The following GTF2A1 variants were observed in gnomAD, a reference collection of about 807,000 sequenced individuals.
GTF2A1 encodes general transcription factor IIA subunit 1, also known as transcription initiation factor IIA subunit 1.
In GTF2A1, 12 loss-of-function variants were observed where a neutral mutation model predicts 54.1. The ratio of observed to expected loss-of-function variants is 0.22; its 90% CI spans 0.14 to 0.36. GTF2A1 has a LOEUF of 0.36. Ranked by LOEUF, GTF2A1 falls within the 10% of genes least tolerant of loss-of-function variation. The pLI, the probability that GTF2A1 is intolerant of heterozygous loss-of-function variation, is 1.00. For synonymous variants in GTF2A1, 145 were observed against 152.0 expected (o/e 0.95, Z 0.34); for missense variants, 335 against 442.2 (o/e 0.76, Z 2.17).
chr14:81,195,371 C>T (rs1215709919), intron 6 of GTF2A1, among the ~76,000 whole-genome samples: 38 of 151,630 alleles, frequency 2.5e-4, no homozygotes, highest in Non-Finnish European at 4.4e-4. Context: ...CAGTGGCTCA[C>T]ACCTGTAATC....
At position 81,197,460 on chromosome 14, in the gene GTF2A1, A is replaced by C; in HGVS notation, c.427T>G (p.Leu143Val). 6.3e-7 allele frequency: 1 copy of C among 1,589,048 alleles called. No homozygotes were observed. Among genetic ancestry groups the C allele is most frequent in the Non-Finnish European group, 8.6e-7 (1 of 1,162,404 alleles). ...GGAGTCACACCTGCAGGGAGTGCTAAGGTAGCAGCTGTAGCAGCAGCACTC... is the reference window on the plus strand; with the variant it reads ...GGAGTCACACCTGCAGGGAGTGCTACGGTAGCAGCTGTAGCAGCAGCACTC... ...NMSAAATAAT[L>V]ALPAGVTPVQ... Residue 143 changes from leucine (L) to valine (V), a missense_variant, in exon 5 of 9, where the codon TTA (leucine) becomes GTA (valine). Leu to Val is a conservative substitution (Grantham distance 32). Transcript: ENST00000553612.
At chr14:81,192,475 A>T in intron 7 of GTF2A1, 44 bp downstream of exon 7, 2 of 1,453,728 alleles carry the variant, frequency 1.4e-6, no homozygotes, top group Middle Eastern at 1.8e-4. Context: ...CTAAAAAAGG[A>T]AATAATCAAG....
chr14:81,195,987 C>T, intron 6 of GTF2A1, 121 bp downstream of exon 6: 1 of 806,032 alleles, frequency 1.2e-6, no homozygotes, highest in Non-Finnish European at 2.0e-6. Flanking sequence ...AAATTTGAAA[C>T]AACTGGGTCT....
At chr14:81,184,052 A>G (rs1261277737) in intron 8 of GTF2A1, among the ~76,000 whole-genome samples, 1 of 152,220 alleles carries the variant, frequency 6.6e-6, no homozygotes, top group Non-Finnish European at 1.5e-5. Context: ...CATTCAGCAC[A>G]CCATTTAGAG....
At chr14:81,181,342 TAA>T (rs545488574) in intron 8 of GTF2A1, among the ~76,000 whole-genome samples, 20 of 138,416 alleles carry the variant, frequency 1.4e-4, no homozygotes, top group African/African-American at 4.1e-4. Flanking sequence ...TAAAGGTACC[TAA>T]AAAAAAAAAA....
intron 7 of GTF2A1, among the ~76,000 whole-genome samples, chr14:81,188,224 T>TA (rs1465643809): frequency 6.6e-6 from 1 of 152,300 alleles, no homozygotes; most frequent in Non-Finnish European, 1.5e-5. Context: ...TTCTGGATAG[T>TA]AGATCCTTAT....
chr14:81,220,032 A>C (rs1893584322), intron 1 of GTF2A1, among the ~76,000 whole-genome samples: 2 of 151,914 alleles, frequency 1.3e-5, no homozygotes, highest in South Asian at 4.1e-4. Context: ...CACTGCATTA[A>C]AGTGGATCAC....
chr14:81,192,382 A>G, intron 7 of GTF2A1, 137 bp downstream of exon 7: 1 of 658,138 alleles, frequency 1.5e-6, no homozygotes, highest in Non-Finnish European at 2.6e-6. Context: ...AAAACAATCT[A>G]ACTTTATCTT....
chr14:81,201,562 A>G (rs753653832), intron 4 of GTF2A1, 32 bp downstream of exon 4: 29 of 1,286,620 alleles, frequency 2.3e-5, no homozygotes, highest in Non-Finnish European at 3.3e-5. Context: ...AATTAAGTAC[A>G]GCCAATCAAA....
At chr14:81,190,945 T>C (rs1311961118) in intron 7 of GTF2A1, among the ~76,000 whole-genome samples, 1 of 152,086 alleles carries the variant, frequency 6.6e-6, no homozygotes, top group Non-Finnish European at 1.5e-5. Flanking sequence ...GCTACATATT[T>C]CCATCCTACC....
chr14:81,204,942 A>G lies in GTF2A1; in HGVS notation c.133-838T>C, dbSNP rs767099343. On this transcript the variant is annotated intron_variant, in intron 2 of 8. Transcript: ENST00000553612. ...GAAACTGGCCAAAAAGTCACAAACT[A>G]TTCCCTGAAAATACAGATAAAACTT... 3.3e-5 allele frequency among the ~76,000 whole-genome samples: 5 copies of G among 152,308 alleles called. No homozygotes were observed. In the East Asian group the frequency reaches 7.7e-4, roughly 23 times the overall value.
At chr14:81,217,689 G>C (rs1893515982) in intron 1 of GTF2A1, among the ~76,000 whole-genome samples, 1 of 152,160 alleles carries the variant, frequency 6.6e-6, no homozygotes. Context: ...CTGCTTGGGA[G>C]GCTGAGGTGG....
At chr14:81,207,819 T>C (rs897897501) in intron 2 of GTF2A1, among the ~76,000 whole-genome samples, 1 of 152,242 alleles carries the variant, frequency 6.6e-6, no homozygotes, top group Admixed American at 6.5e-5. Flanking sequence ...TGGCGGCATT[T>C]TGCCGCTGCC....
intron 2 of GTF2A1, among the ~76,000 whole-genome samples, chr14:81,206,582 A>G (rs1482585175): frequency 1.3e-5 from 2 of 152,196 alleles, no homozygotes; most frequent in African/African-American, 4.8e-5. Flanking sequence ...TTCTAGACCC[A>G]ACATCAGCAT....
intron 2 of GTF2A1, among the ~76,000 whole-genome samples, chr14:81,207,578 G>A (rs947759427): frequency 2.0e-5 from 3 of 152,216 alleles, no homozygotes; most frequent in East Asian, 1.9e-4. Context: ...ATATGGAAGC[G>A]ACTGTGGAAC....
chr14:81,185,951 C>T (rs1370958633), intron 7 of GTF2A1, among the ~76,000 whole-genome samples: 3 of 152,202 alleles, frequency 2.0e-5, no homozygotes, highest in East Asian at 1.9e-4. Context: ...CTCCCGGCTT[C>T]GAGCAATTCT....
intron 8 of GTF2A1, 141 bp downstream of exon 8, chr14:81,185,390 C>CT: frequency 2.1e-6 from 1 of 484,702 alleles, no homozygotes. Flanking sequence ...CCACAAAACT[C>CT]TAACAGGGTT....
chr14:81,192,314 T>A (rs1265947275), intron 7 of GTF2A1, among the ~76,000 whole-genome samples: 1 of 152,202 alleles, frequency 6.6e-6, no homozygotes, highest in Admixed American at 6.5e-5. Flanking sequence ...ACCAGCTATA[T>A]GAAAGTTATA....
At chr14:81,217,020 T>C (rs181984427) in intron 1 of GTF2A1, among the ~76,000 whole-genome samples, 30 of 152,334 alleles carry the variant, frequency 2.0e-4, no homozygotes, top group Admixed American at 9.8e-4. Context: ...TTTCAAGCTG[T>C]ACCATTAAAC....
Sources: allele counts gnomAD v4.1 joint callset (sites outside exome capture counted in the v4.1 genomes callset), GRCh38; gene constraint gnomAD v4.1.1; transcripts MANE v1.5; gene names NCBI Gene and HGNC (gene_info 2026-07-23, HGNC 2026-07-21).